KRT9: variants seen among roughly 807,000 people sequenced by gnomAD.
KRT9 encodes the protein keratin, type I cytoskeletal 9.
A neutral mutation model predicts 51.4 loss-of-function variants in KRT9; 34 were observed. The observed-to-expected ratio is 0.66, with a 90% CI of 0.50 to 0.88. The LOEUF is 0.88. Among genes scored for constraint, KRT9 ranks in the 40% least tolerant of loss-of-function variants. The pLI is 0.00. For missense variants in KRT9, 753 were observed against 790.3 expected (o/e 0.95, Z 0.57); for synonymous variants, 292 against 289.7 (o/e 1.01, Z -0.08).
At position 41,569,360 on chromosome 17, in the gene KRT9, G is replaced by C; in HGVS notation, c.1044+66C>G. ...AGATAGGAGGATGAAGGAATGGGAG[G>C]TGGGAGGGATGGAGATAGGAATAGA... On this transcript the variant is annotated intron_variant, in intron 4 of 7. Transcript: ENST00000246662. 5 of 1,478,310 alleles carry C rather than the reference G, an allele frequency of 3.4e-6. No individual in the cohort carries two copies. In the South Asian group the frequency reaches 5.9e-5, roughly 17 times the overall value. 91.6% of individuals were successfully genotyped at this position (1,478,310 alleles called of 1,614,324 possible).
Position 41,567,350 on chromosome 17 carries a change from T to A in KRT9, c.1795A>T (p.Ser599Cys), listed in dbSNP as rs867842190. ...GSGFGGESGGSYGGGEEASGS... is the reference protein window; with the variant it reads ...GSGFGGESGGCYGGGEEASGS... ...CTCGCTTCTTCACCGCCTCCGTAGC[T>A]GCCTCCACTTTCACCTCCAAAACCA... Residue 599 changes from serine (S) to cysteine (C), a missense_variant, in exon 7 of 8, where the codon AGC becomes TGC. Physicochemically the swap from Ser to Cys is moderately radical, Grantham distance 112. This residue lies in a region of KRT9 where 507 missense variants were observed against 563.7 expected (regional missense o/e 0.90). Coordinates refer to ENST00000246662, the MANE Select transcript of KRT9 (RefSeq NM_000226.4). 1 of 1,613,666 alleles carries A rather than the reference T, an allele frequency of 6.2e-7. No homozygotes were observed. The highest frequency in any genetic ancestry group is 1.7e-5 in the Admixed American group (1 of 59,926).
In KRT9 at chr17:41,565,897, A is replaced by T. The variant is rs1906857674; in HGVS notation, c.*296T>A. 1 of 151,430 alleles carries T rather than the reference A, an allele frequency of 6.6e-6. No individual in the cohort carries two copies. The highest frequency in any genetic ancestry group is 2.4e-5 in the African/African-American group (1 of 41,304). 9.4% of individuals were successfully genotyped at this position (151,430 alleles called of 1,614,324 possible). On this transcript the variant is annotated 3_prime_UTR_variant, in exon 8 of 8. Coordinates refer to ENST00000246662, the MANE Select transcript of KRT9 (RefSeq NM_000226.4). Reference sequence around the variant, plus strand: ...ATCGTGCAGGGTGTGAGAGCACCCCAGGCCAGAGAGAGGAAAGAGGTCTGT... The same window carrying T: ...ATCGTGCAGGGTGTGAGAGCACCCCTGGCCAGAGAGAGGAAAGAGGTCTGT...
chr17:41,570,389 G>A (rs922508661), intron 1 of KRT9, among the ~76,000 whole-genome samples, 169 bp from the exon 2 acceptor site: 1 of 152,222 alleles, frequency 6.6e-6, no homozygotes, highest in East Asian at 1.9e-4. Context: ...AGCCTTCAGC[G>A]AAGATGTTTG....
chr17:41,571,473 G>A lies in KRT9; in HGVS notation c.520C>T (p.Leu174=). ...LASYLDKVQA[L]EEANNDLENK... is the part of the protein sequence containing the mutation. ...TCCAGGTCGTTGTTGGCCTCCTCTA[G>A]AGCCTGCACCTTATCCAAGTAAGAG... Residue 174 remains leucine, a synonymous_variant, in exon 1 of 8, where the codon CTA becomes TTA. Coordinates refer to ENST00000246662, the MANE Select transcript of KRT9 (RefSeq NM_000226.4). The A allele has an allele frequency of 6.2e-7, 1 of 1,613,932 alleles. No individual in the cohort carries two copies. The highest frequency in any genetic ancestry group is 8.5e-7 in the Non-Finnish European group (1 of 1,179,992).
In KRT9 at chr17:41,567,621, T is replaced by C. The variant is rs760223629; in HGVS notation, c.1524A>G (p.Gly508=). ...GGGGSGGGYG[G]GSGSRGGSGG... ...CACTTCCTCCCCTGGACCCACTTCC[T>C]CCACCATAGCCACCTCCACTTCCTC... Residue 508 remains glycine, a synonymous_variant, in exon 7 of 8, where the codon GGA becomes GGG. Transcript: ENST00000246662. The C allele has an allele frequency of 6.3e-7, 1 of 1,577,612 alleles. No homozygotes were observed. The highest frequency in any genetic ancestry group is 8.6e-7 in the Non-Finnish European group (1 of 1,162,206).
intron 1 of KRT9, 124 bp from the exon 2 acceptor site, chr17:41,570,344 C>A (rs368632107): frequency 7.2e-6 from 6 of 834,354 alleles, no homozygotes; most frequent in South Asian, 2.7e-5. Flanking sequence ...GAATGAGGAA[C>A]TTCCAACAGC....
rs757250510 is a variant in KRT9 at position 41,571,797 on chromosome 17, C to T, written c.196G>A (p.Gly66Ser). The T allele has an allele frequency of 3.1e-6, 5 of 1,613,572 alleles. No individual in the cohort carries two copies. Among genetic ancestry groups the T allele is most frequent in the Non-Finnish European group, 4.2e-6 (5 of 1,179,704 alleles). The change falls in exon 1 of 8, where the codon GGT becomes AGT. Residue 66 changes from glycine (G) to serine (S), a missense_variant. Around this residue, in one of 3 missense-constraint regions of KRT9, gnomAD observed 241 missense variants for 210.3 expected, o/e 1.15. Transcript: ENST00000246662. ...CCGTAGCTGTAGCCAAAACTGCCACCGCCTCCCCTCCCACAGACACGAGAG... is the reference window on the plus strand; with the variant it reads ...CCGTAGCTGTAGCCAAAACTGCCACTGCCTCCCCTCCCACAGACACGAGAG... Reference protein sequence around the residue: ...GSSRVCGRGGGGSFGYSYGGG... With the variant: ...GSSRVCGRGGSGSFGYSYGGG...
intron 6 of KRT9, among the ~76,000 whole-genome samples, 178 bp from the exon 7 acceptor site, chr17:41,567,928 G>A (rs1448151048): frequency 6.6e-6 from 1 of 152,140 alleles, no homozygotes; most frequent in Non-Finnish European, 1.5e-5. Flanking sequence ...AGCTGAGACT[G>A]TGGAGCCCTC....
chr17:41,567,005 C>T (rs989652993), intron 7 of KRT9, among the ~76,000 whole-genome samples: 2 of 152,184 alleles, frequency 1.3e-5, no homozygotes, highest in Admixed American at 1.3e-4. Context: ...CCATCTCCTA[C>T]ACTACTGAGA....
intron 2 of KRT9, 28 bp from the exon 3 acceptor site, chr17:41,570,043 A>G (rs1405209802): frequency 6.2e-7 from 1 of 1,614,054 alleles, no homozygotes; most frequent in Non-Finnish European, 8.5e-7. Context: ...TTAGAAAACA[A>G]TCAAGAGGGA....
chr17:41,567,186 A>T, intron 7 of KRT9, 47 bp downstream of exon 7: 1 of 1,573,906 alleles, frequency 6.4e-7, no homozygotes, highest in African/African-American at 1.4e-5. Context: ...AAAAAAAAAA[A>T]GGTGAGACCT....
rs1906995386 is a variant in KRT9 at position 41,569,447 on chromosome 17, G to A, written c.1023C>T (p.Ile341=). The A allele has an allele frequency of 2.5e-6, 4 of 1,614,056 alleles. No homozygotes were observed. The highest frequency in any genetic ancestry group is 1.3e-5 in the African/African-American group (1 of 75,012). The change falls in exon 4 of 8, where the codon ATC becomes ATT. Residue 341 remains isoleucine, a synonymous_variant. Transcript: ENST00000246662. ...EQLIAKNRKD[I]ENQYETQITQ... is the part of the protein sequence containing the mutation. ...TCACCTGAGTCTCATATTGATTCTC[G>A]ATGTCCTTTCTGTTCTTAGCAATGA...
In KRT9 at chr17:41,567,278, A is replaced by C. The variant is rs773357939; in HGVS notation, c.1867T>G (p.Ser623Ala). The stretch of plus-strand genomic sequence containing the variant: ...CCAGATTTTGAGGAAGAAGACTAGG[A>C]ATGGGATGATTTTCCGCTTCCTCCT... ...YGGGSGKSSH[S>A] Residue 623 changes from serine (S) to alanine (A), a missense_variant, in exon 7 of 8, where the codon TCC becomes GCC. Around this residue, in one of 3 missense-constraint regions of KRT9, gnomAD observed 507 missense variants for 563.7 expected, o/e 0.90. Coordinates refer to ENST00000246662, the MANE Select transcript of KRT9 (RefSeq NM_000226.4). The C allele has an allele frequency of 6.2e-6, 10 of 1,613,940 alleles. No individual in the cohort carries two copies. In the South Asian group the frequency reaches 1.1e-4, roughly 18 times the overall value.
In KRT9 at chr17:41,571,940, C is replaced by T. The variant is rs1162126966; in HGVS notation, c.53G>A (p.Gly18Asp). Residue 18 changes from glycine to aspartate, a missense_variant, in exon 1 of 8, where the codon GGC becomes GAC. Physicochemically the swap from Gly to Asp is moderately conservative, Grantham distance 94. Around this residue, in one of 3 missense-constraint regions of KRT9, gnomAD observed 241 missense variants for 210.3 expected, o/e 1.15. Coordinates refer to ENST00000246662, the MANE Select transcript of KRT9 (RefSeq NM_000226.4). ...GCCCCCGCTGCCCAGGCCGCCCCCG[C>T]CACCCCCGCCGCTGCGGCTCAAGTA... Reference protein sequence around the residue: ...SSYLSRSGGGGGGGLGSGGSI... With the variant: ...SSYLSRSGGGDGGGLGSGGSI... 6.3e-7 allele frequency: 1 copy of T among 1,577,950 alleles called. No individual in the cohort carries two copies. Among genetic ancestry groups the T allele is most frequent in the East Asian group, 2.3e-5 (1 of 43,486 alleles).
Position 41,569,982 on chromosome 17 carries a change from C to T in KRT9, c.759G>A (p.Val253=). 1 of 1,614,198 alleles carries T rather than the reference C, an allele frequency of 6.2e-7. No individual in the cohort carries two copies. The highest frequency in any genetic ancestry group is 8.5e-7 in the Non-Finnish European group (1 of 1,180,034). ...GCCGCAGGCCATTGATGTCAGCATC[C>T]ACTCCTTGCCGCAGGTTTTGCTCCA... ...FEMEQNLRQG[V]DADINGLRQV... is the part of the protein sequence containing the mutation. Residue 253 remains valine (V), a synonymous_variant, in exon 3 of 8, where the codon GTG becomes GTA. Coordinates refer to ENST00000246662, the MANE Select transcript of KRT9 (RefSeq NM_000226.4).
chr17:41,568,231 C>T lies in KRT9; in HGVS notation c.1325G>A (p.Ser442Asn), dbSNP rs1370168722. Residue 442 changes from serine (S) to asparagine (N), a missense_variant, in exon 6 of 8, where the codon AGC (serine) becomes AAC (asparagine). Ser to Asn is a conservative substitution (Grantham distance 46). Coordinates refer to ENST00000246662, the MANE Select transcript of KRT9 (RefSeq NM_000226.4). ...TTCCTTCTCCAGCCGCATCTTAATGCTGAGCAGAAGGCTGTATTCCTGATT... is the reference window on the plus strand; with the variant it reads ...TTCCTTCTCCAGCCGCATCTTAATGTTGAGCAGAAGGCTGTATTCCTGATT... ...CQNQEYSLLL[S>N]IKMRLEKEIE... The T allele has an allele frequency of 6.2e-7, 1 of 1,614,014 alleles. No homozygotes were observed. The highest frequency in any genetic ancestry group is 8.5e-7 in the Non-Finnish European group (1 of 1,180,042).
chr17:41,567,804 A>G (rs1345503114), intron 6 of KRT9, 54 bp from the exon 7 acceptor site: 1 of 1,610,984 alleles, frequency 6.2e-7, no homozygotes, highest in Middle Eastern at 1.6e-4. Flanking sequence ...ATACACATAT[A>G]TGAGGATGGA....
At position 41,572,012 on chromosome 17, in the gene KRT9, G is replaced by C. The variant is rs756913823; in HGVS notation, c.-20C>G. On this transcript the variant is annotated 5_prime_UTR_variant, in exon 1 of 8. Transcript: ENST00000246662. ...GCTCATGACACAGCTGGTAGCTCACGGGTTGAGAAGCAGTGATAGGAGTGC... is the reference window on the plus strand; with the variant it reads ...GCTCATGACACAGCTGGTAGCTCACCGGTTGAGAAGCAGTGATAGGAGTGC... 26 of 1,561,762 alleles carry C rather than the reference G, an allele frequency of 1.7e-5. No individual in the cohort carries two copies. Among genetic ancestry groups the C allele is most frequent in the Non-Finnish European group, 2.2e-5 (25 of 1,157,708 alleles).
At position 41,571,788 on chromosome 17, in the gene KRT9, A is replaced by T; in HGVS notation, c.205T>A (p.Phe69Ile). The T allele has an allele frequency of 6.2e-7, 1 of 1,613,080 alleles. No homozygotes were observed. The highest frequency in any genetic ancestry group is 1.7e-5 in the Admixed American group (1 of 59,962). The stretch of plus-strand genomic sequence containing the variant: ...GATCCTCCGCCGTAGCTGTAGCCAA[A>T]ACTGCCACCGCCTCCCCTCCCACAG... ...RVCGRGGGGS[F>I]GYSYGGGSGG... Residue 69 changes from phenylalanine (F) to isoleucine (I), a missense_variant, in exon 1 of 8, where the codon TTT becomes ATT. Transcript: ENST00000246662.
Sources: gnomAD v4.1 joint callset for allele counts (sites outside exome capture counted in the v4.1 genomes callset) on GRCh38, gnomAD v4.1.1 for gene constraint, gnomAD v4.1.1 regional missense constraint, MANE v1.5 for transcripts, NCBI Gene and HGNC (gene_info 2026-07-23, HGNC 2026-07-21) for gene names.